Variants in TMEM132D observed in about 807,000 individuals in gnomAD.
TMEM132D encodes transmembrane protein 132D.
In TMEM132D, 21 loss-of-function variants were observed where a neutral mutation model predicts 62.3. That is an observed-to-expected ratio of 0.34 (90% CI 0.24 to 0.49). The LOEUF (loss-of-function observed/expected upper bound fraction) is 0.49. Ranked by LOEUF, TMEM132D falls within the 20% of genes least tolerant of loss-of-function variation. The pLI, the probability that TMEM132D is intolerant of heterozygous loss-of-function variation, is 0.99. For missense variants in TMEM132D, 1,346 were observed against 1,402.8 expected, an observed-to-expected ratio of 0.96 and a Z score of 0.65; for synonymous variants, 621 against 575.6, an observed-to-expected ratio of 1.08 and a Z score of -1.13.
intron 3 of TMEM132D, among the ~76,000 whole-genome samples, chr12:129,465,484 T>C (rs1873856728): frequency 2.0e-5 from 3 of 152,092 alleles, no homozygotes; most frequent in Admixed American, 2.0e-4. Context: ...GGGTATTCAA[T>C]TAGGAAAAGA....
intron 3 of TMEM132D, among the ~76,000 whole-genome samples, chr12:129,527,689 T>C (rs566046132): frequency 6.6e-5 from 10 of 152,334 alleles, no homozygotes; most frequent in African/African-American, 2.4e-4. Flanking sequence ...TTTTGTTACA[T>C]ATTTATCTAA....
chr12:129,338,317 C>T (rs1032943814), intron 3 of TMEM132D, among the ~76,000 whole-genome samples: 5 of 152,012 alleles, frequency 3.3e-5, no homozygotes, highest in East Asian at 3.9e-4. Context: ...AAACAGGCAA[C>T]GTGTGCACAA....
At chr12:129,182,023 G>A (rs1168774120) in intron 5 of TMEM132D, among the ~76,000 whole-genome samples, 2 of 152,220 alleles carry the variant, frequency 1.3e-5, no homozygotes, top group African/African-American at 4.8e-5. Flanking sequence ...GTGGCTACAG[G>A]CAAGAGTGAA....
At chr12:129,516,483 T>C (rs146023839) in intron 3 of TMEM132D, among the ~76,000 whole-genome samples, 82 of 152,160 alleles carry the variant, frequency 5.4e-4, no homozygotes, top group East Asian at 7.7e-4. Context: ...TCTTACATGG[T>C]GGCAGACAGG....
chr12:129,711,067 T>TAA (rs35001190), intron 1 of TMEM132D, among the ~76,000 whole-genome samples: 14 of 152,176 alleles, frequency 9.2e-5, no homozygotes, highest in African/African-American at 3.4e-4. Flanking sequence ...CAACCTCCAC[T>TAA]AAAAAATCCC....
intron 4 of TMEM132D, among the ~76,000 whole-genome samples, chr12:129,225,548 C>A (rs530224628): frequency 2.0e-5 from 3 of 152,218 alleles, no homozygotes; most frequent in Non-Finnish European, 4.4e-5. Context: ...AAACTCTCTG[C>A]AGCTCATTTT....
At chr12:129,438,324 T>G (rs372148708) in intron 3 of TMEM132D, among the ~76,000 whole-genome samples, 1 of 152,132 alleles carries the variant, frequency 6.6e-6, no homozygotes, top group Non-Finnish European at 1.5e-5. Context: ...TGCAGAAAGG[T>G]GCAGAGACAA....
At chr12:129,788,769 G>A (rs952434142) in intron 1 of TMEM132D, among the ~76,000 whole-genome samples, 7 of 152,152 alleles carry the variant, frequency 4.6e-5, no homozygotes, top group Non-Finnish European at 8.8e-5. Flanking sequence ...CTCTCGGGGA[G>A]TCAAGACTCT....
intron 3 of TMEM132D, among the ~76,000 whole-genome samples, chr12:129,391,035 T>G (rs977134472): frequency 9.2e-5 from 14 of 152,334 alleles, no homozygotes; most frequent in Admixed American, 2.6e-4. Flanking sequence ...ACTCTATAAC[T>G]GTTCATTCTT....
At chr12:129,311,172 T>C (rs1467804410) in intron 4 of TMEM132D, among the ~76,000 whole-genome samples, 1 of 71,160 alleles carries the variant, frequency 1.4e-5, no homozygotes, top group Admixed American at 2.8e-4. Flanking sequence ...CACTCCAGCC[T>C]GGGCGACAGA....
intron 3 of TMEM132D, among the ~76,000 whole-genome samples, chr12:129,383,619 A>G (rs1026485758): frequency 7.9e-5 from 12 of 152,176 alleles, no homozygotes; most frequent in African/African-American, 2.9e-4. Flanking sequence ...TTGTATTTTT[A>G]GTAGAGACAG....
intron 5 of TMEM132D, among the ~76,000 whole-genome samples, chr12:129,131,184 T>C (rs954017832): frequency 6.6e-6 from 1 of 152,248 alleles, no homozygotes; most frequent in Non-Finnish European, 1.5e-5. Context: ...TACATGTATG[T>C]ATGCATAAGT....
chr12:129,673,732 A>T (rs1485676743), intron 2 of TMEM132D, among the ~76,000 whole-genome samples: 1 of 152,206 alleles, frequency 6.6e-6, no homozygotes, highest in Non-Finnish European at 1.5e-5. Flanking sequence ...CTAATGGAGC[A>T]ATCTGCAATG....
At chr12:129,760,323 C>A in intron 1 of TMEM132D, among the ~76,000 whole-genome samples, 1 of 115,502 alleles carries the variant, frequency 8.7e-6, no homozygotes, top group African/African-American at 3.6e-5. Context: ...AAGCCACTTT[C>A]TTTTTTTTTT....
chr12:129,695,957 A>G (rs543793065), intron 2 of TMEM132D, among the ~76,000 whole-genome samples: 1 of 152,290 alleles, frequency 6.6e-6, no homozygotes, highest in Admixed American at 6.5e-5. Flanking sequence ...GTGATTTATG[A>G]CCTGCAACTT....
At chr12:129,319,384 G>C (rs775739079) in intron 4 of TMEM132D, among the ~76,000 whole-genome samples, 5 of 152,136 alleles carry the variant, frequency 3.3e-5, no homozygotes, top group Middle Eastern at 3.2e-3. Context: ...TTCTCCAGTG[G>C]GGGTGTGTGT....
chr12:129,531,409 G>C (rs1040979229), intron 2 of TMEM132D, among the ~76,000 whole-genome samples: 4 of 152,146 alleles, frequency 2.6e-5, no homozygotes, highest in Non-Finnish European at 5.9e-5. Context: ...TTACTAAAGA[G>C]CTAGAGATGG....
At chr12:129,791,920 G>A (rs1012211727) in intron 1 of TMEM132D, among the ~76,000 whole-genome samples, 3 of 152,132 alleles carry the variant, frequency 2.0e-5, no homozygotes, top group Admixed American at 2.0e-4. Context: ...AAACATTAGG[G>A]CAAAGACCAA....
chr12:129,739,965 C>A (rs1869547966), intron 1 of TMEM132D, among the ~76,000 whole-genome samples: 1 of 152,128 alleles, frequency 6.6e-6, no homozygotes, highest in Non-Finnish European at 1.5e-5. Flanking sequence ...TCTTAATGAT[C>A]ATATCTCCTT....
Sources: allele counts gnomAD v4.1 joint callset (sites outside exome capture counted in the v4.1 genomes callset), GRCh38; gene constraint gnomAD v4.1.1; transcripts MANE v1.5; gene names NCBI Gene and HGNC (gene_info 2026-07-23, HGNC 2026-07-21).